TUBGCP5: variants seen among roughly 807,000 people sequenced by gnomAD.
TUBGCP5 encodes the protein gamma-tubulin complex component 5.
Under a neutral mutation model 134.7 loss-of-function variants are expected in TUBGCP5, and 98 were observed. The observed-to-expected ratio is 0.73, with a 90% CI of 0.62 to 0.86. TUBGCP5 has a LOEUF of 0.86. Among genes scored for constraint, TUBGCP5 ranks in the 40% least tolerant of loss-of-function variants. The pLI is 0.00. For missense variants in TUBGCP5, 1,150 were observed against 1,244.8 expected (o/e 0.92, Z 1.15); for synonymous variants, 456 against 431.4 (o/e 1.06, Z -0.71).
At chr15:22,987,878 A>G (rs1336828250) in intron 23 of TUBGCP5, among the ~76,000 whole-genome samples, 1 of 133,384 alleles carries the variant, frequency 7.5e-6, no homozygotes, top group Non-Finnish European at 1.6e-5. Flanking sequence ...CCTGGGTGAC[A>G]GAGCGAGACT....
In TUBGCP5 at chr15:23,036,856, C is replaced by A. The variant is rs763777270; in HGVS notation, c.309+41G>T. On this transcript the variant is annotated intron_variant, in intron 3 of 22. Transcript: ENST00000615383. The stretch of plus-strand genomic sequence containing the variant: ...AAATTGACGATAATCAGATAGGAAA[C>A]AGTAAAATACACAGTGGAGATCTCA... 1.3e-5 allele frequency: 17 copies of A among 1,267,698 alleles called. No homozygotes were observed. In the South Asian group the frequency reaches 1.8e-4, roughly 13 times the overall value. The allele number at this position is 1,267,698 out of a possible 1,614,324, so 78.5% of individuals were successfully genotyped here.
rs149365181 is a variant in TUBGCP5, at chr15:23,019,266, G to A, written c.1440C>T (p.Ile480=). 9.9e-6 allele frequency: 16 copies of A among 1,614,058 alleles called. No individual in the cohort carries two copies. Among genetic ancestry groups the A allele is most frequent in the African/African-American group, 4.0e-5 (3 of 75,026 alleles). ...CGCCATCCCACAGGTGCCCGTGCACGATCCACTCGTCCACCGTCTGCAGGT... is the reference window on the plus strand; with the variant it reads ...CGCCATCCCACAGGTGCCCGTGCACAATCCACTCGTCCACCGTCTGCAGGT... ...RPYLQTVDEW[I]VHGHLWDGAR... Residue 480 remains isoleucine (I), a synonymous_variant, in exon 12 of 23, where the codon ATC becomes ATT. Coordinates refer to ENST00000615383, the MANE Select transcript of TUBGCP5 (RefSeq NM_052903.6).
In TUBGCP5 at chr15:23,023,947, CATT is replaced by C. The variant is rs2065849875; in HGVS notation, c.1165_1167del (p.Asn389del). Reference sequence around the variant, plus strand: ...AGTAAAGATGAAGAACATTTAATACCATTATTGATGATGCACTTCTCAATTTCT... The same window carrying C: ...AGTAAAGATGAAGAACATTTAATACCATTGATGATGCACTTCTCAATTTCT... On this transcript the variant is annotated inframe_deletion and splice_region_variant, in exon 10 of 23. Transcript: ENST00000615383. The C allele has an allele frequency of 6.2e-7, 1 of 1,613,354 alleles. No individual in the cohort carries two copies. Among genetic ancestry groups the C allele is most frequent in the Non-Finnish European group, 8.5e-7 (1 of 1,179,770 alleles).
chr15:23,018,131 CAT>C, intron 12 of TUBGCP5, 90 bp from the exon 13 acceptor site: 2 of 1,323,156 alleles, frequency 1.5e-6, no homozygotes, highest in African/African-American at 1.5e-5. Context: ...CATTATAAAA[CAT>C]AGTATTAATT....
In TUBGCP5 at chr15:23,030,979, G is replaced by C; in HGVS notation, c.528C>G (p.Pro176=). ...GAATTCCAGAGTCCTCTCTGCTTAA[G>C]GGCTGTTGATCATTTTCCTCTTCAC... The part of the protein sequence containing the change: ...EESEEENDQQ[P]LSREDSGIQV... Residue 176 remains proline (P), a synonymous_variant, in exon 6 of 23, where the codon CCC becomes CCG. Coordinates refer to ENST00000615383, the MANE Select transcript of TUBGCP5 (RefSeq NM_052903.6). The C allele has an allele frequency of 6.2e-7, 1 of 1,613,174 alleles. No individual in the cohort carries two copies. Among genetic ancestry groups the C allele is most frequent in the Non-Finnish European group, 8.5e-7 (1 of 1,179,786 alleles).
At chr15:22,990,507 A>C (rs1353778295) in intron 23 of TUBGCP5, among the ~76,000 whole-genome samples, 1 of 152,166 alleles carries the variant, frequency 6.6e-6, no homozygotes, top group African/African-American at 2.4e-5. Context: ...TAGAAAAACA[A>C]ATACCAGCAG....
Position 23,006,405 on chromosome 15 carries a change from ATGCTCTTTT to A in TUBGCP5, c.2328-62_2328-54del. On this transcript the variant is annotated intron_variant, in intron 16 of 22. Transcript: ENST00000615383. The stretch of plus-strand genomic sequence containing the variant: ...TGTGAAAGCACTATGTCACACAAAA[ATGCTCTTTT>A]AAAATAATTGGTATTTCATTTACAT... 5 of 1,292,332 alleles carry A rather than the reference ATGCTCTTTT, an allele frequency of 3.9e-6. No homozygotes were observed. The South Asian group carries it at 6.6e-5, about 17-fold the overall frequency. The allele number at this position is 1,292,332 out of a possible 1,614,324, so 80.1% of individuals were successfully genotyped here. A position where few individuals can be genotyped will look rare whatever the true frequency, so the allele number is the denominator to read the frequency against.
In TUBGCP5 at chr15:23,032,640, A is replaced by G. The variant is rs1048281023; in HGVS notation, c.406+88T>C. ...ATACTTTAGTTTCACAGATTTTTAG[A>G]AGTTTCAATAAAACTCAGTGTTTAG... is the stretch of plus-strand genomic sequence containing the variant. On this transcript the variant is annotated intron_variant, in intron 4 of 22. Transcript: ENST00000615383. The G allele has an allele frequency of 2.6e-5, 22 of 858,628 alleles. No homozygotes were observed. In the African/African-American group the frequency reaches 3.3e-4, roughly 13 times the overall value. The allele number at this position is 858,628 out of a possible 1,614,324, so 53.2% of individuals were successfully genotyped here. A position where few individuals can be genotyped will look rare whatever the true frequency, so the allele number is the denominator to read the frequency against.
exon 24 of TUBGCP5, chr15:22,983,409 A>G (rs2063589575): frequency 6.6e-6 from 1 of 152,218 alleles, no homozygotes; most frequent in Non-Finnish European, 1.5e-5. Context: ...TCTACACTGT[A>G]TAGACTATAT....
chr15:22,996,683 T>A (rs1167877622), downstream of TUBGCP5, among the ~76,000 whole-genome samples: 1 of 152,112 alleles, frequency 6.6e-6, no homozygotes, highest in Non-Finnish European at 1.5e-5. Context: ...AGATGGAGTT[T>A]CACCATGTTG....
At chr15:23,018,439 G>A (rs2065467898) in intron 12 of TUBGCP5, among the ~76,000 whole-genome samples, 2 of 152,078 alleles carry the variant, frequency 1.3e-5, no homozygotes. Flanking sequence ...CATCACCCTA[G>A]AAGAACAGTC....
rs755732617 is a variant in TUBGCP5 at position 23,039,325 on chromosome 15, CCCGGGCTGTGCGGGACCCACGCGCGGGCT to C, written c.146+44_146+72del. 3,687 of 1,253,278 alleles carry C rather than the reference CCCGGGCTGTGCGGGACCCACGCGCGGGCT, an allele frequency of 2.9e-3. 12 individuals carry two copies. Among genetic ancestry groups the C allele is most frequent in the Non-Finnish European group, 3.2e-3 (3,178 of 989,526 alleles). The allele number at this position is 1,253,278 out of a possible 1,614,324, so 77.6% of individuals were successfully genotyped here. ...ATGCCCTGCCCCAGCGCGCCCCGAC[CCCGGGCTGTGCGGGACCCACGCGCGGGCT>C]CCGGGCTGTGGCCGGGAACCCGCCC... On this transcript the variant is annotated intron_variant, in intron 1 of 22. Transcript: ENST00000615383.
intron 1 of TUBGCP5, among the ~76,000 whole-genome samples, chr15:23,038,860 C>T (rs1015311736): frequency 1.0e-5 from 1 of 98,164 alleles, no homozygotes; most frequent in East Asian, 2.1e-4. Context: ...TGCTACGTGC[C>T]AGGAGCTGTG....
chr15:23,006,154 T>C lies in TUBGCP5; in HGVS notation c.2431A>G (p.Ile811Val), dbSNP rs1306982865. 1 of 1,609,824 alleles carries C rather than the reference T, an allele frequency of 6.2e-7. No individual in the cohort carries two copies. The highest frequency in any genetic ancestry group is 1.1e-5 in the South Asian group (1 of 89,202). Residue 811 changes from isoleucine (I) to valine (V), a missense_variant, in exon 18 of 23, where the codon ATT becomes GTT. Coordinates refer to ENST00000615383, the MANE Select transcript of TUBGCP5 (RefSeq NM_052903.6). Reference sequence around the variant, plus strand: ...TTTTGACATTCCAAACTTATAACAATGTCCACGGGCCATGGGACCTATGAA... The same window carrying C: ...TTTTGACATTCCAAACTTATAACAACGTCCACGGGCCATGGGACCTATGAA... ...LSYKVPWPVDIVISLECQKIY... is the reference protein window; with the variant it reads ...LSYKVPWPVDVVISLECQKIY...
At chr15:22,983,065 C>A (rs1190030081), downstream of TUBGCP5, 2 of 152,200 alleles carry the variant, frequency 1.3e-5, no homozygotes, top group East Asian at 1.9e-4. Context: ...ATAGGACAGG[C>A]AGACACAAAA....
At chr15:23,019,133 C>G in intron 12 of TUBGCP5, 86 bp downstream of exon 12, 1 of 951,380 alleles carries the variant, frequency 1.1e-6, no homozygotes, top group Admixed American at 2.1e-5. Context: ...TCAGTACTGT[C>G]TGAAACTAAC....
chr15:22,995,062 G>A (rs966766666), downstream of TUBGCP5, among the ~76,000 whole-genome samples: 4 of 152,024 alleles, frequency 2.6e-5, no homozygotes, highest in African/African-American at 4.8e-5. Flanking sequence ...TGGCTAACAC[G>A]GTGAGACCCC....
At chr15:22,985,690 C>T (rs1266714875) in intron 23 of TUBGCP5, among the ~76,000 whole-genome samples, 2 of 152,100 alleles carry the variant, frequency 1.3e-5, no homozygotes, top group African/African-American at 4.8e-5. Context: ...TTCTATTTCA[C>T]ACTCATTAGG....
chr15:23,019,081 G>T, intron 12 of TUBGCP5, 138 bp downstream of exon 12: 1 of 552,482 alleles, frequency 1.8e-6, no homozygotes, highest in South Asian at 3.2e-5. Context: ...GATAGAACTT[G>T]CCTATGATGA....
Sources: allele counts gnomAD v4.1 joint callset (sites outside exome capture counted in the v4.1 genomes callset), GRCh38; gene constraint gnomAD v4.1.1; transcripts MANE v1.5; gene names NCBI Gene and HGNC (gene_info 2026-07-23, HGNC 2026-07-21).